The following TENM1 variants were observed in gnomAD, a reference collection of about 807,000 sequenced individuals.
TENM1 encodes teneurin-1.
TENM1 carries 35 observed loss-of-function variants against 174.8 expected under a neutral mutation model. The ratio of observed to expected loss-of-function variants is 0.20; its 90% confidence interval spans 0.15 to 0.27. The LOEUF (loss-of-function observed/expected upper bound fraction) is 0.27. TENM1 is among the 10% of genes least tolerant of loss of function. The probability of loss-of-function intolerance (pLI) is 1.00; values close to 1 mark genes in which losing one functional copy is unlikely to be tolerated. For missense variants in TENM1, 1,633 were observed against 2,130.1 expected (o/e 0.77, Z 4.59); for synonymous variants, 781 against 798.7 (o/e 0.98, Z 0.37).
chrX:124,722,802 T>G (rs908002305), intron 4 of TENM1, among the ~76,000 whole-genome samples: 2 of 90,905 alleles, frequency 2.2e-5, no homozygotes, highest in Admixed American at 1.4e-4. Flanking sequence ...ATCATGCCAC[T>G]GCACTCCAGC....
intron 5 of TENM1, among the ~76,000 whole-genome samples, chrX:124,697,624 T>C (rs970815964): frequency 7.2e-5 from 8 of 111,411 alleles, no homozygotes; most frequent in African/African-American, 2.0e-4. Context: ...ACATGAGTTA[T>C]ATCTACATTA....
At chrX:124,433,618 T>C (rs2060803624) in intron 23 of TENM1, among the ~76,000 whole-genome samples, 1 of 110,773 alleles carries the variant, frequency 9.0e-6, no homozygotes. Flanking sequence ...TGGCAAACGT[T>C]TGTTGAATGA....
At chrX:124,621,599 A>G (rs1401065389) in intron 11 of TENM1, among the ~76,000 whole-genome samples, 1 of 112,514 alleles carries the variant, frequency 8.9e-6, no homozygotes, top group Non-Finnish European at 1.9e-5. Flanking sequence ...AATTTTCTGC[A>G]TGAAACACAG....
chrX:124,830,295 G>A (rs1303093049), intron 3 of TENM1, among the ~76,000 whole-genome samples: 1 of 111,700 alleles, frequency 9.0e-6, no homozygotes, highest in Non-Finnish European at 1.9e-5. Context: ...AGCATAAGTG[G>A]TGCTGCTTCA....
chrX:124,850,533 C>T (rs7050956), intron 3 of TENM1, among the ~76,000 whole-genome samples: 2,320 of 110,963 alleles, frequency 0.021, 77 homozygotes, highest in African/African-American at 0.072. Flanking sequence ...TAGGATATGG[C>T]ACTATCAATG....
chrX:124,464,986 C>G (rs2061225803), intron 22 of TENM1, among the ~76,000 whole-genome samples: 1 of 111,544 alleles, frequency 9.0e-6, no homozygotes, highest in Non-Finnish European at 1.9e-5. Flanking sequence ...ACTCAAATAT[C>G]CAGACAAGTT....
chrX:124,553,500 C>CAA (rs1345991005), intron 14 of TENM1, among the ~76,000 whole-genome samples: 2 of 79,603 alleles, frequency 2.5e-5, no homozygotes, highest in East Asian at 4.1e-4. Context: ...AACTCCATCT[C>CAA]AAAAAAAAAA....
At chrX:124,975,135 T>C in the TENM1 span, among the ~76,000 whole-genome samples, 1 of 108,822 alleles carries the variant, frequency 9.2e-6, no homozygotes, top group Non-Finnish European at 1.9e-5. Flanking sequence ...ACCCTTTCTT[T>C]TGGAACTCCA....
intron 20 of TENM1, among the ~76,000 whole-genome samples, chrX:124,491,019 A>C (rs776739138): frequency 2.7e-5 from 3 of 112,171 alleles, no homozygotes; most frequent in Non-Finnish European, 5.6e-5. Context: ...AGACTGAGGA[A>C]GATAAAGCTC....
At chrX:124,567,383 G>T (rs1007283468) in intron 11 of TENM1, among the ~76,000 whole-genome samples, 1 of 112,018 alleles carries the variant, frequency 8.9e-6, no homozygotes, top group African/African-American at 3.2e-5. Context: ...GTGAGTGATA[G>T]GAAGAAATCC....
chrX:124,784,923 T>C (rs1313118541), intron 3 of TENM1, among the ~76,000 whole-genome samples: 2 of 111,610 alleles, frequency 1.8e-5, no homozygotes, highest in East Asian at 5.6e-4. Flanking sequence ...TCCTATATTC[T>C]AATAATAAAT....
intron 3 of TENM1, among the ~76,000 whole-genome samples, chrX:124,888,311 C>G (rs897518094): frequency 9.0e-6 from 1 of 111,290 alleles, no homozygotes; most frequent in Non-Finnish European, 1.9e-5. Context: ...AGTTGCTGAA[C>G]AGAACAACAT....
intron 11 of TENM1, among the ~76,000 whole-genome samples, chrX:124,579,325 C>T (rs773669043): frequency 5.4e-5 from 6 of 112,036 alleles, no homozygotes; most frequent in Admixed American, 3.8e-4. Flanking sequence ...CAGCTTGCAT[C>T]CTTTGCTACA....
intron 3 of TENM1, among the ~76,000 whole-genome samples, chrX:124,853,584 A>AT (rs777273232): frequency 1.1e-4 from 12 of 110,975 alleles, no homozygotes; most frequent in South Asian, 3.8e-4. Context: ...GGACTTCATG[A>AT]TTGATGGCCT....
chrX:124,982,335 A>AAGC, the TENM1 span, among the ~76,000 whole-genome samples: 6 of 109,846 alleles, frequency 5.5e-5, no homozygotes, highest in Non-Finnish European at 7.6e-5. Flanking sequence ...TGTTCCACAA[A>AAGC]AGCAACTAAG....
intron 20 of TENM1, among the ~76,000 whole-genome samples, chrX:124,494,062 T>C (rs2047129641): frequency 9.0e-6 from 1 of 111,201 alleles, no homozygotes; most frequent in African/African-American, 3.3e-5. Flanking sequence ...TATTAGAAAA[T>C]GGAGGTATAT....
intron 22 of TENM1, among the ~76,000 whole-genome samples, chrX:124,462,288 A>G (rs1396132100): frequency 9.0e-6 from 1 of 110,648 alleles, no homozygotes. Context: ...TTGAGGAATC[A>G]CTAGATGGAA....
the TENM1 span, among the ~76,000 whole-genome samples, chrX:125,053,433 T>C: frequency 8.9e-6 from 1 of 112,531 alleles, no homozygotes; most frequent in East Asian, 2.8e-4. Context: ...GAAGCAATTT[T>C]CTCATTCGTA....
At chrX:125,063,705 G>A in the TENM1 span, among the ~76,000 whole-genome samples, 13 of 111,809 alleles carry the variant, frequency 1.2e-4, no homozygotes, top group South Asian at 4.9e-3. Flanking sequence ...CTTTTACACT[G>A]TTGGTGGGAC....
Sources: gnomAD v4.1 joint callset for allele counts (sites outside exome capture counted in the v4.1 genomes callset) on GRCh38, gnomAD v4.1.1 for gene constraint, MANE v1.5 for transcripts, NCBI Gene and HGNC (gene_info 2026-07-23, HGNC 2026-07-21) for gene names.